The following SMARCA5 variants were observed in gnomAD, a reference collection of about 807,000 sequenced individuals.
SMARCA5 encodes SWI/SNF-related matrix-associated actin-dependent regulator of chromatin subfamily A member 5.
SMARCA5 carries 18 observed loss-of-function variants against 140.4 expected under a neutral mutation model. That is an observed-to-expected ratio of 0.13 (90% CI 0.09 to 0.19). The LOEUF is 0.19. Among genes scored for constraint, SMARCA5 ranks in the 10% least tolerant of loss-of-function variants. SMARCA5 has a pLI of 1.00. For synonymous variants in SMARCA5, 449 were observed against 419.6 expected (o/e 1.07, Z -0.86); for missense variants, 606 against 1,276.8 (o/e 0.47, Z 8.01).
At chr4:143,550,380 T>G (rs192306840) in intron 23 of SMARCA5, among the ~76,000 whole-genome samples, 54 of 152,136 alleles carry the variant, frequency 3.5e-4, no homozygotes, top group African/African-American at 1.2e-3. Flanking sequence ...GATACAGGCA[T>G]GCAATAAGTA....
In SMARCA5 at chr4:143,519,337, C is replaced by T. The variant is rs575034934; in HGVS notation, c.252+1908C>T. 1.9e-3 allele frequency among the ~76,000 whole-genome samples: 287 copies of T among 152,182 alleles called. 1 individual carries two copies. Among genetic ancestry groups the T allele is most frequent in the African/African-American group, 6.5e-3 (271 of 41,548 alleles). ...CAATAAGTTTACTTACGAGTTTATT[C>T]TCTTTTCCATATCACCCTAGTTTAG... On this transcript the variant is annotated intron_variant, in intron 2 of 23. Coordinates refer to ENST00000283131, the MANE Select transcript of SMARCA5 (RefSeq NM_003601.4).
At chr4:143,517,545 AT>A in intron 2 of SMARCA5, 116 bp downstream of exon 2, 1 of 588,972 alleles carries the variant, frequency 1.7e-6, no homozygotes, top group Non-Finnish European at 2.8e-6. Flanking sequence ...AGACTGGGTA[AT>A]TTATAAAGAA....
chr4:143,547,535 A>G, intron 21 of SMARCA5, 32 bp downstream of exon 21: 1 of 1,070,470 alleles, frequency 9.3e-7, no homozygotes, highest in Admixed American at 1.7e-5. Flanking sequence ...TAGGTAGTTA[A>G]TAAAATAACT....
At chr4:143,545,017 A>T (rs1193293291) in intron 17 of SMARCA5, among the ~76,000 whole-genome samples, 170 bp downstream of exon 17, 1 of 143,148 alleles carries the variant, frequency 7.0e-6, no homozygotes, top group Non-Finnish European at 1.5e-5. Flanking sequence ...ATCTCAGCTC[A>T]CTGCAACCTC....
chr4:143,536,331 T>G, intron 10 of SMARCA5, 121 bp from the exon 11 acceptor site: 1 of 673,512 alleles, frequency 1.5e-6, no homozygotes, highest in South Asian at 1.8e-5. Flanking sequence ...ACCTAGAAGT[T>G]GATGAGTAGT....
At chr4:143,547,602 C>T in intron 21 of SMARCA5, 99 bp downstream of exon 21, 1 of 708,348 alleles carries the variant, frequency 1.4e-6, no homozygotes, top group Non-Finnish European at 2.5e-6. Flanking sequence ...TAAGGGTTTA[C>T]AATTTAAAAT....
At chr4:143,525,389 T>A (rs1737048506) in intron 4 of SMARCA5, 62 bp from the exon 5 acceptor site, 3 of 986,894 alleles carry the variant, frequency 3.0e-6, no homozygotes. Context: ...TAGGCTTAGA[T>A]GAAGAGATTG....
At chr4:143,540,224 C>T in intron 13 of SMARCA5, 139 bp from the exon 14 acceptor site, 1 of 552,836 alleles carries the variant, frequency 1.8e-6, no homozygotes, top group Non-Finnish European at 3.1e-6. Context: ...CATCTGATTC[C>T]TTACAGATGC....
At chr4:143,546,196 T>C in intron 19 of SMARCA5, 149 bp downstream of exon 19, 1 of 513,812 alleles carries the variant, frequency 1.9e-6, no homozygotes, top group South Asian at 3.7e-5. Flanking sequence ...GGATAAATGC[T>C]CCATCTGATT....
intron 2 of SMARCA5, among the ~76,000 whole-genome samples, chr4:143,519,439 T>G (rs1736910048): frequency 6.6e-6 from 1 of 152,146 alleles, no homozygotes; most frequent in Non-Finnish European, 1.5e-5. Flanking sequence ...CCTTCCAAGT[T>G]TCTTAACATT....
At chr4:143,541,861 CTT>C (rs559237701) in intron 14 of SMARCA5, among the ~76,000 whole-genome samples, 7 of 145,532 alleles carry the variant, frequency 4.8e-5, no homozygotes, top group Admixed American at 6.9e-5. Flanking sequence ...CCATGAAACA[CTT>C]TTTTTTTTTT....
In SMARCA5 at chr4:143,538,885, G is replaced by A; in HGVS notation, c.1717G>A (p.Val573Ile). ...GLGINLATADVVILYDSDWNP... is the reference protein window; with the variant it reads ...GLGINLATADIVILYDSDWNP... ...TGGCATCAATCTTGCGACTGCTGAT[G>A]TAGTAATTTTGTATGATTCTGATTG... The change falls in exon 13 of 24, where the codon GTA (valine) becomes ATA (isoleucine). Residue 573 changes from valine (V) to isoleucine (I), a missense_variant. This residue lies in a region of SMARCA5 where 68 missense variants were observed against 126.9 expected (regional missense o/e 0.54). Coordinates refer to ENST00000283131, the MANE Select transcript of SMARCA5 (RefSeq NM_003601.4). The A allele has an allele frequency of 6.2e-7, 1 of 1,614,084 alleles. No homozygotes were observed. Among genetic ancestry groups the A allele is most frequent in the East Asian group, 2.2e-5 (1 of 44,878 alleles).
intron 8 of SMARCA5, 27 bp from the exon 9 acceptor site, chr4:143,530,431 G>C: frequency 6.6e-7 from 1 of 1,508,616 alleles, no homozygotes; most frequent in Non-Finnish European, 9.2e-7. Flanking sequence ...TCTCTGATCT[G>C]AGTATATTTT....
At chr4:143,521,271 A>C (rs914227479) in intron 2 of SMARCA5, among the ~76,000 whole-genome samples, 158 bp from the exon 3 acceptor site, 2 of 150,010 alleles carry the variant, frequency 1.3e-5, no homozygotes, top group African/African-American at 4.9e-5. Context: ...GGCTTCTTTC[A>C]CTTTGCATAG....
At chr4:143,539,177 G>T (rs1030035238) in intron 13 of SMARCA5, among the ~76,000 whole-genome samples, 2 of 152,108 alleles carry the variant, frequency 1.3e-5, no homozygotes, top group Non-Finnish European at 2.9e-5. Context: ...GGCAGAAGGG[G>T]GAAACGATAG....
Position 143,554,364 on chromosome 4 carries a change from A to G in SMARCA5, c.*1180A>G, listed in dbSNP as rs1737706684. The G allele has an allele frequency of 6.6e-6, 1 of 152,200 alleles. No homozygotes were observed. Among genetic ancestry groups the G allele is most frequent in the African/African-American group, 2.4e-5 (1 of 41,464 alleles). 9.4% of individuals were successfully genotyped at this position (152,200 alleles called of 1,614,324 possible). ...ATCGTGAATAAATATAACTTTTATA[A>G]TCCGTAAAGTGGTCTTTTCTTTCCA... is the stretch of plus-strand genomic sequence containing the variant. On this transcript the variant is annotated 3_prime_UTR_variant, in exon 24 of 24. Coordinates refer to ENST00000283131, the MANE Select transcript of SMARCA5 (RefSeq NM_003601.4).
At chr4:143,549,689 G>T (rs1737604088) in intron 22 of SMARCA5, among the ~76,000 whole-genome samples, 1 of 152,070 alleles carries the variant, frequency 6.6e-6, no homozygotes, top group Admixed American at 6.6e-5. Flanking sequence ...GTAGTTCTCA[G>T]ACATACACAC....
chr4:143,533,784 A>C (rs1396564911), intron 9 of SMARCA5, among the ~76,000 whole-genome samples: 1 of 152,174 alleles, frequency 6.6e-6, no homozygotes. Flanking sequence ...GCCCATTCTT[A>C]GGCACTGTTA....
chr4:143,544,992 G>T (rs1029841530), intron 17 of SMARCA5, 145 bp downstream of exon 17: 3 of 535,062 alleles, frequency 5.6e-6, no homozygotes, highest in South Asian at 2.2e-5. Flanking sequence ...CTGTTACCAG[G>T]AGTTCAGTGG....
Sources: allele counts gnomAD v4.1 joint callset (sites outside exome capture counted in the v4.1 genomes callset), GRCh38; gene constraint gnomAD v4.1.1; regional missense constraint gnomAD v4.1.1; transcripts MANE v1.5; gene names NCBI Gene and HGNC (gene_info 2026-07-23, HGNC 2026-07-21).